The following LMTK3 variants were observed in gnomAD, a reference collection of about 807,000 sequenced individuals.
LMTK3 encodes serine/threonine-protein kinase LMTK3.
Under a neutral mutation model 116.7 loss-of-function variants are expected in LMTK3, and 27 were observed. That is an observed-to-expected ratio of 0.23 (90% CI 0.17 to 0.32). The LOEUF is 0.32. Ranked by LOEUF, LMTK3 falls within the 10% of genes least tolerant of loss-of-function variation. The pLI is 1.00. For missense variants in LMTK3, 1,764 were observed against 2,068.5 expected (o/e 0.85, Z 2.86); for synonymous variants, 965 against 971.0 (o/e 0.99, Z 0.11).
At chr19:48,488,344 T>G (rs896446067) in intron 14 of LMTK3, among the ~76,000 whole-genome samples, 1 of 151,808 alleles carries the variant, frequency 6.6e-6, no homozygotes, top group African/African-American at 2.4e-5. Context: ...CTGTCCAACC[T>G]CTCCATTCCC....
chr19:48,499,896 G>A lies in LMTK3; in HGVS notation c.1173C>T (p.Cys391=). Reference sequence around the variant, plus strand: ...AAGGGCGCTGGGCAGGTGGCCGCCAGCAGGACTGAAGAATGTCATACCTGG... The same window carrying A: ...AAGGGCGCTGGGCAGGTGGCCGCCAACAGGACTGAAGAATGTCATACCTGG... ...ADYWYDILQS[C]WRPPAQRPSA... The change falls in exon 11 of 15, where the codon TGC becomes TGT. Residue 391 remains cysteine (C), a synonymous_variant. Transcript: ENST00000600059. The A allele has an allele frequency of 6.3e-7, 1 of 1,596,702 alleles. No homozygotes were observed. The highest frequency in any genetic ancestry group is 8.5e-7 in the Non-Finnish European group (1 of 1,173,262).
In LMTK3 at chr19:48,497,143, GAC is replaced by G. The variant is rs1451766142; in HGVS notation, c.3676+248_3676+249del. On this transcript the variant is annotated intron_variant, in intron 11 of 14. Coordinates refer to ENST00000600059, the MANE Select transcript of LMTK3 (RefSeq NM_001388485.1). This position sits in a 1 kb window ranked among gnomAD's most constrained non-coding sequence, Gnocchi z 5.7. ...CATTTAACCTTCACAGCAACCCTAT[GAC>G]GTAGGTTCTATCCCTGCCATCCGTT... Among the ~76,000 whole-genome samples, 1 of 152,218 alleles carries G rather than the reference GAC, an allele frequency of 6.6e-6. No individual in the cohort carries two copies.
In LMTK3 at chr19:48,497,713, G is replaced by A. The variant is rs1972358223; in HGVS notation, c.3356C>T (p.Thr1119Met). 6.8e-6 allele frequency: 9 copies of A among 1,328,062 alleles called. No homozygotes were observed. In the South Asian group the frequency reaches 1.1e-4, roughly 16 times the overall value. The allele number at this position is 1,328,062 out of a possible 1,614,324, so 82.3% of individuals were successfully genotyped here. Reference protein sequence around the residue: ...LGSGGRAPVGTGTAPGGGPGS... With the variant: ...LGSGGRAPVGMGTAPGGGPGS... Reference sequence around the variant, plus strand: ...GGGGCCGCCGCCGGGGGCCGTCCCCGTGCCCACTGGGGCTCGGCCCCCACT... The same window carrying A: ...GGGGCCGCCGCCGGGGGCCGTCCCCATGCCCACTGGGGCTCGGCCCCCACT... The change falls in exon 11 of 15, where the codon ACG becomes ATG. Residue 1119 changes from threonine to methionine, a missense_variant. By Grantham distance (81) the Thr-to-Met change is moderately conservative (BLOSUM62 -1). Around this residue, in one of 7 missense-constraint regions of LMTK3, gnomAD observed 1,028 missense variants for 1,050.6 expected, o/e 0.98. Transcript: ENST00000600059. The surrounding 1 kb of genome is among the most constrained non-coding windows in gnomAD (Gnocchi z 5.7).
chr19:48,503,062 C>T, intron 5 of LMTK3, 66 bp from the exon 6 acceptor site: 1 of 943,580 alleles, frequency 1.1e-6, no homozygotes, highest in Non-Finnish European at 1.7e-6. Context: ...CCCCAACCCC[C>T]AGCAGAACCA....
rs1201341140 is a variant in LMTK3 at position 48,511,688 on chromosome 19, A to T, written c.-112T>A. Reference sequence around the variant, plus strand: ...CGCGACCCTGGCCTCCTCCCGGCCCAGGAGAGGGGCAGGAGACGCAGGACA... The same window carrying T: ...CGCGACCCTGGCCTCCTCCCGGCCCTGGAGAGGGGCAGGAGACGCAGGACA... On this transcript the variant is annotated 5_prime_UTR_variant, in exon 1 of 15. Transcript: ENST00000600059. 51 of 506,134 alleles carry T rather than the reference A, an allele frequency of 1.0e-4. No homozygotes were observed. The East Asian group carries it at 1.8e-3, about 18-fold the overall frequency. The allele number at this position is 506,134 out of a possible 1,614,324, so 31.4% of individuals were successfully genotyped here.
chr19:48,505,153 G>A (rs1250840055), intron 5 of LMTK3, among the ~76,000 whole-genome samples: 4 of 113,022 alleles, frequency 3.5e-5, no homozygotes, highest in Non-Finnish European at 4.9e-5. Context: ...TTGCTCTGTC[G>A]CCCAGGCTGG....
intron 14 of LMTK3, among the ~76,000 whole-genome samples, chr19:48,486,210 C>T (rs1972122342): frequency 1.3e-5 from 2 of 150,348 alleles, no homozygotes. Flanking sequence ...CAGGCGCCCG[C>T]CACTACGCCC....
chr19:48,499,975 C>A, intron 10 of LMTK3, 58 bp from the exon 11 acceptor site: 1 of 1,484,376 alleles, frequency 6.7e-7, no homozygotes, highest in Non-Finnish European at 9.0e-7. Context: ...GAAAGAGACC[C>A]AGGGAGGGGA....
Position 48,502,569 on chromosome 19 carries a change from G to C in LMTK3, c.658C>G (p.Arg220Gly), listed in dbSNP as rs778224971. The change falls in exon 7 of 15, where the codon CGT becomes GGT. Residue 220 changes from arginine (R) to glycine (G), a missense_variant. Arg to Gly is a moderately radical substitution (Grantham distance 125). This residue lies in a region of LMTK3 where 271 missense variants were observed against 478.2 expected (regional missense o/e 0.57). Transcript: ENST00000600059. ...MEFCQLGDLK[R>G]YLRAQRPPEG... is the part of the protein sequence containing the mutation. Reference sequence around the variant, plus strand: ...GGGGGCCGCTGGGCTCGGAGGTAACGCTTCAGGTCCCCCTGGGAGGGAGGC... The same window carrying C: ...GGGGGCCGCTGGGCTCGGAGGTAACCCTTCAGGTCCCCCTGGGAGGGAGGC... The C allele has an allele frequency of 1.9e-6, 3 of 1,562,232 alleles. No individual in the cohort carries two copies. The Admixed American group carries it at 5.8e-5, about 30-fold the overall frequency.
intron 5 of LMTK3, among the ~76,000 whole-genome samples, chr19:48,508,112 G>A (rs1246919153): frequency 5.9e-5 from 9 of 152,102 alleles, no homozygotes; most frequent in African/African-American, 1.9e-4. Context: ...AGAGGCCAGC[G>A]TGGCTGGGGT....
At chr19:48,504,981 C>G (rs1391686453) in intron 5 of LMTK3, among the ~76,000 whole-genome samples, 1 of 152,066 alleles carries the variant, frequency 6.6e-6, no homozygotes, top group Admixed American at 6.6e-5. Flanking sequence ...GCTGACTTCT[C>G]CAAGTCAACC....
rs1402145636 is a variant in LMTK3 at position 48,501,886 on chromosome 19, C to T, written c.795-324G>A. Among the ~76,000 whole-genome samples, 4 of 148,824 alleles carry T rather than the reference C, an allele frequency of 2.7e-5. No homozygotes were observed. The East Asian group carries it at 6.0e-4, about 22-fold the overall frequency. On this transcript the variant is annotated intron_variant, in intron 7 of 14. Coordinates refer to ENST00000600059, the MANE Select transcript of LMTK3 (RefSeq NM_001388485.1). The stretch of plus-strand genomic sequence containing the variant: ...CAGCCACCTCTCCTCATCACGTGAC[C>T]CTGCTTCCCCCTCACCTGGCTCCTT...
At chr19:48,502,364 TC>T in intron 7 of LMTK3, 68 bp downstream of exon 7, 1 of 850,686 alleles carries the variant, frequency 1.2e-6, no homozygotes, top group Non-Finnish European at 1.8e-6. Context: ...CTCTAGCCCC[TC>T]CCCTGAGGCC....
chr19:48,489,817 G>C (rs1972191001), intron 14 of LMTK3, among the ~76,000 whole-genome samples: 1 of 152,196 alleles, frequency 6.6e-6, no homozygotes, highest in African/African-American at 2.4e-5. Flanking sequence ...CAAGATTGGG[G>C]AAGTAGGAGT....
At chr19:48,487,073 C>T (rs11083940) in intron 14 of LMTK3, among the ~76,000 whole-genome samples, 8,018 of 144,034 alleles carry the variant, frequency 0.056, 331 homozygotes, top group African/African-American at 0.12. Context: ...CTTATTCTGT[C>T]GCCCAGGCTG....
At chr19:48,509,924 C>T (rs1972628664) in intron 3 of LMTK3, 99 bp downstream of exon 3, 4 of 1,359,282 alleles carry the variant, frequency 2.9e-6, no homozygotes, top group African/African-American at 1.4e-5. Flanking sequence ...CATTGGCTGC[C>T]GCTGGTCTCA....
chr19:48,493,699 C>G lies in LMTK3; in HGVS notation c.4087G>C (p.Asp1363His). The G allele has an allele frequency of 6.4e-7, 1 of 1,570,418 alleles. No individual in the cohort carries two copies. The highest frequency in any genetic ancestry group is 8.6e-7 in the Non-Finnish European group (1 of 1,159,398). ...CGCCCTCTCGGGTTCCGCACCTGGT[C>G]GAAGAGGTAGACGGTCACGTCCCCG... ...FHGDVTVYLFDQETPTNELSV... is the reference protein window; with the variant it reads ...FHGDVTVYLFHQETPTNELSV... Residue 1363 changes from aspartate to histidine, a missense_variant, in exon 12 of 15, where the codon GAC (aspartate) becomes CAC (histidine). Physicochemically the swap from Asp to His is moderately conservative, Grantham distance 81. This residue lies in a region of LMTK3 where 281 missense variants were observed against 301.4 expected (regional missense o/e 0.93). Coordinates refer to ENST00000600059, the MANE Select transcript of LMTK3 (RefSeq NM_001388485.1).
chr19:48,487,321 C>T (rs774619112), intron 14 of LMTK3, among the ~76,000 whole-genome samples: 3 of 152,100 alleles, frequency 2.0e-5, no homozygotes, highest in Non-Finnish European at 2.9e-5. Context: ...GTGTGAGCCA[C>T]GCGCCCAGCC....
chr19:48,491,062 G>A lies in LMTK3; in HGVS notation c.4366+46C>T, dbSNP rs745521964. The A allele has an allele frequency of 5.5e-6, 7 of 1,266,652 alleles. No individual in the cohort carries two copies. The highest frequency in any genetic ancestry group is 7.1e-6 in the Non-Finnish European group (7 of 992,840). The allele number at this position is 1,266,652 out of a possible 1,614,324, so 78.5% of individuals were successfully genotyped here. ...CAAGAAGTTGGCAGTGGAACATAGG[G>A]GGACAGAGATGGGCAGAGGAGGGGG... On this transcript the variant is annotated intron_variant, in intron 14 of 14. Transcript: ENST00000600059. The surrounding 1 kb of genome is among the most constrained non-coding windows in gnomAD (Gnocchi z 5.1).
Sources: gnomAD v4.1 joint callset for allele counts (sites outside exome capture counted in the v4.1 genomes callset) on GRCh38, gnomAD v4.1.1 for gene constraint, gnomAD v4.1.1 regional missense constraint, Gnocchi (gnomAD v3.1) non-coding constraint, MANE v1.5 for transcripts, NCBI Gene and HGNC (gene_info 2026-07-23, HGNC 2026-07-21) for gene names.